Variants in SLC7A9 observed in about 807,000 individuals in gnomAD.
SLC7A9 encodes the protein solute carrier family 7 member 9, also known as B(0,+)-type amino acid transporter 1.
A neutral mutation model predicts 54.1 loss-of-function variants in SLC7A9; 38 were observed. The observed-to-expected ratio is 0.70, with a 90% CI of 0.54 to 0.92. The LOEUF is 0.92. Ranked by LOEUF, SLC7A9 falls within the 40% of genes least tolerant of loss-of-function variation. The pLI is 0.00. For missense variants in SLC7A9, 537 were observed against 636.1 expected (o/e 0.84, Z 1.68); for synonymous variants, 264 against 258.9 (o/e 1.02, Z -0.19).
chr19:32,846,069 G>A (rs561959346), intron 9 of SLC7A9, among the ~76,000 whole-genome samples: 18 of 152,240 alleles, frequency 1.2e-4, no homozygotes, highest in East Asian at 3.9e-4. Flanking sequence ...GAACAGCTCC[G>A]GTCTACAGCT....
intron 9 of SLC7A9, among the ~76,000 whole-genome samples, chr19:32,850,624 G>A (rs75342787): frequency 0.11 from 16,579 of 150,952 alleles, 1,023 homozygotes; most frequent in Middle Eastern, 0.16. Context: ...TATAGATTCA[G>A]TGCCATCCCC....
chr19:32,834,648 TG>T (rs1469210150), intron 11 of SLC7A9, among the ~76,000 whole-genome samples: 1 of 152,052 alleles, frequency 6.6e-6, no homozygotes, highest in African/African-American at 2.4e-5. Flanking sequence ...GACCATAACC[TG>T]GGTGATTGGA....
chr19:32,839,425 C>T (rs776817200), intron 11 of SLC7A9, among the ~76,000 whole-genome samples: 33 of 152,038 alleles, frequency 2.2e-4, no homozygotes, highest in African/African-American at 3.4e-4. Flanking sequence ...TGGTGGCACG[C>T]GCCTATAATC....
At chr19:32,861,076 C>A (rs1415232610) in intron 6 of SLC7A9, among the ~76,000 whole-genome samples, 1 of 152,184 alleles carries the variant, frequency 6.6e-6, no homozygotes, top group Middle Eastern at 3.2e-3. Context: ...CGTCTGTAAT[C>A]CCAGCACTTT....
chr19:32,862,166 C>T lies in SLC7A9; in HGVS notation c.656G>A (p.Gly219Glu). Residue 219 changes from glycine to glutamate, a missense_variant, in exon 6 of 13, where the codon GGA becomes GAA. Transcript: ENST00000023064. The part of the protein sequence containing the change: ...NSFEGAQLSV[G>E]AISLAFYNGL... ...ATTGTAAAACGCCAGGCTGATGGCTCCCACAGACAGCTGGGCGCCCTCGAA... is the reference window on the plus strand; with the variant it reads ...ATTGTAAAACGCCAGGCTGATGGCTTCCACAGACAGCTGGGCGCCCTCGAA... The T allele has an allele frequency of 6.2e-7, 1 of 1,613,818 alleles. No individual in the cohort carries two copies. Among genetic ancestry groups the T allele is most frequent in the South Asian group, 1.1e-5 (1 of 91,074 alleles).
At chr19:32,868,201 A>C (rs973580062) in intron 2 of SLC7A9, among the ~76,000 whole-genome samples, 6 of 144,098 alleles carry the variant, frequency 4.2e-5, no homozygotes, top group Non-Finnish European at 7.5e-5. Flanking sequence ...ACTGCACTCT[A>C]GCCTGGGTGA....
chr19:32,865,926 T>A (rs1398782276), intron 2 of SLC7A9, among the ~76,000 whole-genome samples: 33 of 140,418 alleles, frequency 2.4e-4, no homozygotes, highest in African/African-American at 8.8e-4. Context: ...GCCACTACAA[T>A]CACTCCAGCC....
At chr19:32,856,527 A>G (rs539336281) in intron 9 of SLC7A9, among the ~76,000 whole-genome samples, 1 of 152,340 alleles carries the variant, frequency 6.6e-6, no homozygotes, top group South Asian at 2.1e-4. Flanking sequence ...ATAAAGAAGT[A>G]TGTGAGGTGA....
intron 9 of SLC7A9, among the ~76,000 whole-genome samples, chr19:32,854,417 C>T (rs969259933): frequency 6.6e-6 from 1 of 152,100 alleles, no homozygotes; most frequent in African/African-American, 2.4e-5. Flanking sequence ...TAGAAACTGG[C>T]AAGCTGATTG....
In SLC7A9 at chr19:32,830,653, C is replaced by T; in HGVS notation, c.1431G>A (p.Met477Ile). 1.2e-6 allele frequency: 2 copies of T among 1,614,046 alleles called. No homozygotes were observed. Among genetic ancestry groups the T allele is most frequent in the Non-Finnish European group, 1.7e-6 (2 of 1,179,926 alleles). The change falls in exon 13 of 13, where the codon ATG (methionine) becomes ATA (isoleucine). Residue 477 changes from methionine to isoleucine, a missense_variant. Met to Ile is a conservative substitution (Grantham distance 10). Coordinates refer to ENST00000023064, the MANE Select transcript of SLC7A9 (RefSeq NM_014270.5). ...KPITMHLQML[M>I]EVVPPEEDPE is the part of the protein sequence containing the mutation. ...GGTCTTCCTCCGGTGGGACCACTTC[C>T]ATTAGCATCTGAAGGTGCATGGTAA...
rs562794175 is a variant in SLC7A9 at position 32,868,400 on chromosome 19, G to A, written c.87+48C>T. On this transcript the variant is annotated intron_variant, in intron 2 of 12. Transcript: ENST00000023064. ...CACTGCCTGCGCCCCTCGTTCAGACGCCCTTGCCTAACCTGCAAAGGGCCT... is the reference window on the plus strand; with the variant it reads ...CACTGCCTGCGCCCCTCGTTCAGACACCCTTGCCTAACCTGCAAAGGGCCT... 36 of 1,466,166 alleles carry A rather than the reference G, an allele frequency of 2.5e-5. No homozygotes were observed. Among genetic ancestry groups the A allele is most frequent in the Non-Finnish European group, 3.0e-5 (31 of 1,045,618 alleles). 90.8% of individuals were successfully genotyped at this position (1,466,166 alleles called of 1,614,324 possible). A position where few individuals can be genotyped will look rare whatever the true frequency, so the allele number is the denominator to read the frequency against.
chr19:32,859,264 C>T (rs962300824), intron 8 of SLC7A9, among the ~76,000 whole-genome samples: 2 of 151,994 alleles, frequency 1.3e-5, no homozygotes, highest in Non-Finnish European at 2.9e-5. Flanking sequence ...CACCCAGCTG[C>T]GTAATTCTTG....
At chr19:32,831,581 C>T (rs1270033445) in intron 12 of SLC7A9, among the ~76,000 whole-genome samples, 1 of 152,210 alleles carries the variant, frequency 6.6e-6, no homozygotes, top group Non-Finnish European at 1.5e-5. Flanking sequence ...AGCCACCGTG[C>T]CCGGCCCGAT....
At chr19:32,864,404 T>A in intron 3 of SLC7A9, 66 bp from the exon 4 acceptor site, 2 of 1,604,992 alleles carry the variant, frequency 1.2e-6, no homozygotes, top group Non-Finnish European at 1.7e-6. Context: ...CAGGGAGCCT[T>A]CCTCCCACCG....
intron 12 of SLC7A9, chr19:32,831,435 C>T (rs113007231): frequency 0.1 from 15,824 of 151,760 alleles, 1,034 homozygotes; most frequent in Middle Eastern, 0.16. Flanking sequence ...TACAGGCGCC[C>T]GCCACCACGC....
chr19:32,866,799 G>A (rs142333091), intron 2 of SLC7A9, among the ~76,000 whole-genome samples: 2,563 of 152,142 alleles, frequency 0.017, 222 homozygotes, highest in Admixed American at 0.14. Flanking sequence ...CCTTGGTGCC[G>A]TCCCTCCTCC....
chr19:32,862,520 G>A lies in SLC7A9; in HGVS notation c.545C>T (p.Ala182Val), dbSNP rs749323303. The A allele has an allele frequency of 2.3e-5, 37 of 1,613,760 alleles. 1 individual carries two copies. In the Admixed American group the frequency reaches 3.3e-4, roughly 15 times the overall value. ...GATGGCCACGATCACCAGCTTGGCCGCGGTGAAGATGTTCTGGACGTAGCT... is the reference window on the plus strand; with the variant it reads ...GATGGCCACGATCACCAGCTTGGCCACGGTGAAGATGTTCTGGACGTAGCT... ...LGSYVQNIFTAAKLVIVAIII... is the reference protein window; with the variant it reads ...LGSYVQNIFTVAKLVIVAIII... Residue 182 changes from alanine to valine, a missense_variant, in exon 5 of 13, where the codon GCG becomes GTG. Physicochemically the swap from Ala to Val is moderately conservative, Grantham distance 64 (BLOSUM62 0). Transcript: ENST00000023064.
chr19:32,868,912 T>C lies in SLC7A9; in HGVS notation c.-111-267A>G, dbSNP rs1432448111. ...TTTTTTTCAAAAGTAAAAAGAAATA[T>C]TTAACAACATCCCGGGCTGGGCACA... On this transcript the variant is annotated intron_variant, in intron 1 of 12. Transcript: ENST00000023064. Among the ~76,000 whole-genome samples, 4 of 151,952 alleles carry C rather than the reference T, an allele frequency of 2.6e-5. No homozygotes were observed. In the East Asian group the frequency reaches 7.7e-4, roughly 29 times the overall value.
intron 9 of SLC7A9, among the ~76,000 whole-genome samples, chr19:32,852,255 T>C (rs1968492026): frequency 6.6e-6 from 1 of 150,970 alleles, no homozygotes; most frequent in African/African-American, 2.4e-5. Context: ...CTTTGGGAGG[T>C]TGAAGTGGGT....
Sources: allele counts gnomAD v4.1 joint callset (sites outside exome capture counted in the v4.1 genomes callset), GRCh38; gene constraint gnomAD v4.1.1; transcripts MANE v1.5; gene names NCBI Gene and HGNC (gene_info 2026-07-23, HGNC 2026-07-21).